Variants in CNTN6 observed in about 807,000 individuals in gnomAD.
The protein encoded by CNTN6 is contactin 6, also known as contactin-6.
A neutral mutation model predicts 122.8 loss-of-function variants in CNTN6; 137 were observed. That is an observed-to-expected ratio of 1.12 (90% CI 0.97 to 1.29). The LOEUF is 1.29. Ranked by LOEUF, CNTN6 falls within the 50% of genes most tolerant of loss-of-function variation. The probability of loss-of-function intolerance (pLI) is 0.00; values close to 1 mark genes in which losing one functional copy is unlikely to be tolerated. For synonymous variants in CNTN6, 570 were observed against 426.0 expected (o/e 1.34, Z -4.16); for missense variants, 1,634 against 1,223.4 (o/e 1.34, Z -5.01).
At chr3:1,155,674 G>A (rs1346470893) in intron 2 of CNTN6, among the ~76,000 whole-genome samples, 1 of 152,112 alleles carries the variant, frequency 6.6e-6, no homozygotes, top group Non-Finnish European at 1.5e-5. Flanking sequence ...AATACACGTT[G>A]ACTTTGTGTC....
chr3:1,257,948 G>C (rs1356799437), intron 4 of CNTN6, among the ~76,000 whole-genome samples: 1 of 152,138 alleles, frequency 6.6e-6, no homozygotes, highest in Non-Finnish European at 1.5e-5. Flanking sequence ...ATCTAAACTA[G>C]AGAAAGTGAG....
intron 12 of CNTN6, among the ~76,000 whole-genome samples, chr3:1,355,165 G>A (rs1028022909): frequency 1.3e-5 from 2 of 151,392 alleles, no homozygotes; most frequent in Non-Finnish European, 3.0e-5. Flanking sequence ...TGGACTTTGG[G>A]GTCTTTTGCT....
At chr3:1,150,042 AG>A (rs1425156940) in intron 2 of CNTN6, among the ~76,000 whole-genome samples, 1 of 147,976 alleles carries the variant, frequency 6.8e-6, no homozygotes, top group Non-Finnish European at 1.5e-5. Context: ...TCATTGTGAA[AG>A]AACAGATTGG....
intron 4 of CNTN6, among the ~76,000 whole-genome samples, chr3:1,264,289 A>G (rs1344998103): frequency 6.6e-6 from 1 of 152,158 alleles, no homozygotes; most frequent in East Asian, 1.9e-4. Flanking sequence ...GTGGCAGCCA[A>G]GTAGGGTTAT....
At chr3:1,383,455 T>A in intron 19 of CNTN6, 47 bp downstream of exon 19, 1 of 1,389,270 alleles carries the variant, frequency 7.2e-7, no homozygotes, top group Non-Finnish European at 1.0e-6. Context: ...GCCAATGGAC[T>A]TCGCAATAGC....
At chr3:1,156,024 G>A (rs994938223) in intron 2 of CNTN6, among the ~76,000 whole-genome samples, 4 of 152,096 alleles carry the variant, frequency 2.6e-5, no homozygotes, top group African/African-American at 9.7e-5. Flanking sequence ...AACAAATATT[G>A]GAAGTTCTCC....
chr3:1,102,986 G>A (rs916124294), intron 1 of CNTN6, among the ~76,000 whole-genome samples: 4 of 150,030 alleles, frequency 2.7e-5, no homozygotes, highest in Non-Finnish European at 2.9e-5. Context: ...GGCGCCTGTG[G>A]TCCCAGCTAC....
intron 1 of CNTN6, among the ~76,000 whole-genome samples, chr3:1,127,151 G>C (rs1302266927): frequency 6.6e-6 from 1 of 151,654 alleles, no homozygotes; most frequent in Non-Finnish European, 1.5e-5. Context: ...GAGCAAAATA[G>C]AAAAGTTGAA....
intron 2 of CNTN6, among the ~76,000 whole-genome samples, chr3:1,188,033 C>CT (rs201497847): frequency 0.014 from 2,105 of 152,162 alleles, 22 homozygotes; most frequent in Non-Finnish European, 0.018. Context: ...AAATCTTACT[C>CT]TTTTTTTTCT....
intron 2 of CNTN6, among the ~76,000 whole-genome samples, chr3:1,205,749 A>G (rs1222610641): frequency 6.6e-6 from 1 of 152,228 alleles, no homozygotes; most frequent in Admixed American, 6.5e-5. Context: ...CAACTTGTTC[A>G]AAGAAGAATC....
intron 1 of CNTN6, among the ~76,000 whole-genome samples, chr3:1,130,544 G>A (rs9859060): frequency 0.011 from 1,668 of 152,182 alleles, 25 homozygotes; most frequent in African/African-American, 0.039. Flanking sequence ...CCACCTTCCA[G>A]TGGTCCCCAG....
chr3:1,196,367 G>C (rs978425726), intron 2 of CNTN6, among the ~76,000 whole-genome samples: 1 of 152,168 alleles, frequency 6.6e-6, no homozygotes, highest in African/African-American at 2.4e-5. Flanking sequence ...AGATACTTCT[G>C]ACCTCAGCAA....
chr3:1,149,044 T>C (rs6442238), intron 2 of CNTN6, among the ~76,000 whole-genome samples: 27,843 of 152,108 alleles, frequency 0.18, 3,249 homozygotes, highest in African/African-American at 0.33. Context: ...CAAGACAAGT[T>C]CAGCTTTAAT....
intron 1 of CNTN6, among the ~76,000 whole-genome samples, chr3:1,094,850 A>G (rs2090438497): frequency 6.6e-6 from 1 of 152,062 alleles, no homozygotes; most frequent in African/African-American, 2.4e-5. Flanking sequence ...AAGGAATACA[A>G]AATATTTGCT....
chr3:1,306,488 A>T (rs1227453537), intron 7 of CNTN6, among the ~76,000 whole-genome samples: 1 of 152,168 alleles, frequency 6.6e-6, no homozygotes, highest in East Asian at 1.9e-4. Flanking sequence ...GCAATAAATA[A>T]TTTATCAGTG....
intron 4 of CNTN6, among the ~76,000 whole-genome samples, chr3:1,244,727 C>A (rs9867484): frequency 9.2e-5 from 14 of 151,764 alleles, no homozygotes; most frequent in Non-Finnish European, 1.6e-4. Flanking sequence ...AGAGAGTCAG[C>A]GAAGGGAGAT....
intron 2 of CNTN6, among the ~76,000 whole-genome samples, chr3:1,218,644 G>C (rs1042887591): frequency 2.6e-5 from 4 of 152,142 alleles, no homozygotes; most frequent in Admixed American, 2.6e-4. Flanking sequence ...ATGGGCACCA[G>C]GGTTCTCACA....
At chr3:1,156,510 C>A (rs955902961) in intron 2 of CNTN6, among the ~76,000 whole-genome samples, 3 of 152,156 alleles carry the variant, frequency 2.0e-5, no homozygotes, top group Non-Finnish European at 1.5e-5. Context: ...CTAGTGCATT[C>A]GAGTTTATAA....
chr3:1,226,875 T>G (rs2094291041), intron 3 of CNTN6, among the ~76,000 whole-genome samples: 1 of 152,194 alleles, frequency 6.6e-6, no homozygotes, highest in Admixed American at 6.5e-5. Flanking sequence ...CATTATTCAA[T>G]AGTTTTAAGT....
Sources: gnomAD v4.1 joint callset for allele counts (sites outside exome capture counted in the v4.1 genomes callset) on GRCh38, gnomAD v4.1.1 for gene constraint, MANE v1.5 for transcripts, NCBI Gene and HGNC (gene_info 2026-07-23, HGNC 2026-07-21) for gene names.